CAMK4: variants seen among roughly 807,000 people sequenced by gnomAD.
CAMK4 encodes calcium/calmodulin-dependent protein kinase type IV.
Under a neutral mutation model 44.9 loss-of-function variants are expected in CAMK4, and 22 were observed. The ratio of observed to expected loss-of-function variants is 0.49; its 90% CI spans 0.35 to 0.70. The LOEUF is 0.70. Ranked by LOEUF, CAMK4 falls within the 30% of genes least tolerant of loss-of-function variation. The pLI is 0.01. For synonymous variants in CAMK4, 218 were observed against 215.4 expected, an observed-to-expected ratio of 1.01 and a Z score of -0.11; for missense variants, 498 against 586.8, an observed-to-expected ratio of 0.85 and a Z score of 1.56.
intron 1 of CAMK4, among the ~76,000 whole-genome samples, chr5:111,331,424 G>A (rs1474627272): frequency 6.6e-6 from 1 of 151,568 alleles, no homozygotes; most frequent in East Asian, 2.0e-4. Context: ...TAAAATAATT[G>A]ACATTTCCAA....
rs192148778 is a variant in CAMK4, at chr5:111,274,469, G to A, written c.161+49825G>A. ...ATATTTGTGAATGAGTGACAAGTATGAAACTTTAGTTTGTTAAACCATTTT... is the reference window on the plus strand; with the variant it reads ...ATATTTGTGAATGAGTGACAAGTATAAAACTTTAGTTTGTTAAACCATTTT... On this transcript the variant is annotated intron_variant, in intron 1 of 10. Transcript: ENST00000282356. Among the ~76,000 whole-genome samples, 8 of 152,280 alleles carry A rather than the reference G, an allele frequency of 5.3e-5. No homozygotes were observed. In the East Asian group the frequency reaches 1.3e-3, roughly 26 times the overall value.
intron 7 of CAMK4, among the ~76,000 whole-genome samples, chr5:111,466,322 T>A (rs1186324043): frequency 6.6e-6 from 1 of 152,116 alleles, no homozygotes. Flanking sequence ...CAACTTCTAT[T>A]CATCATAGTA....
At chr5:111,313,248 T>G (rs1271160220) in intron 1 of CAMK4, among the ~76,000 whole-genome samples, 1 of 152,092 alleles carries the variant, frequency 6.6e-6, no homozygotes, top group East Asian at 1.9e-4. Flanking sequence ...CACCCCCAGT[T>G]ATGATAACAG....
chr5:111,224,684 A>T lies in CAMK4; in HGVS notation c.161+40A>T. 1 of 1,578,904 alleles carries T rather than the reference A, an allele frequency of 6.3e-7. No individual in the cohort carries two copies. The highest frequency in any genetic ancestry group is 8.6e-7 in the Non-Finnish European group (1 of 1,162,158). On this transcript the variant is annotated intron_variant, in intron 1 of 10. Coordinates refer to ENST00000282356, the MANE Select transcript of CAMK4 (RefSeq NM_001744.6). The surrounding 1 kb of genome is among the most constrained non-coding windows in gnomAD (Gnocchi z 5.7). ...CCGGCTGGGGAAGCCCGCGGCGTGC[A>T]CTGGGGGTTGTCCCTCTCGCAGCGA...
intron 2 of CAMK4, among the ~76,000 whole-genome samples, chr5:111,370,215 T>G (rs568663767): frequency 6.6e-6 from 1 of 152,172 alleles, no homozygotes; most frequent in African/African-American, 2.4e-5. Flanking sequence ...TAGCCCAGAC[T>G]TTTTGCAGTC....
intron 5 of CAMK4, among the ~76,000 whole-genome samples, chr5:111,416,308 G>T (rs6878399): frequency 0.018 from 2,686 of 151,972 alleles, 90 homozygotes; most frequent in African/African-American, 0.062. Context: ...ATTAACAGTG[G>T]TTATTTCTTG....
At chr5:111,453,971 C>T (rs1356479444) in intron 7 of CAMK4, among the ~76,000 whole-genome samples, 1 of 152,066 alleles carries the variant, frequency 6.6e-6, no homozygotes. Context: ...ACTGGTTAAT[C>T]GGTATGTGAA....
chr5:111,348,968 T>G (rs190199921), intron 2 of CAMK4, among the ~76,000 whole-genome samples: 1 of 152,054 alleles, frequency 6.6e-6, no homozygotes, highest in African/African-American at 2.4e-5. Context: ...TTTTATTGTA[T>G]TGAAAAAACC....
intron 1 of CAMK4, among the ~76,000 whole-genome samples, chr5:111,335,593 G>A (rs1257578472): frequency 6.6e-6 from 1 of 151,210 alleles, no homozygotes; most frequent in African/African-American, 2.4e-5. Context: ...GCATGTTAAG[G>A]CCAACTGACA....
chr5:111,417,496 A>G (rs1294041285), intron 5 of CAMK4, among the ~76,000 whole-genome samples: 2 of 151,878 alleles, frequency 1.3e-5, no homozygotes, highest in Non-Finnish European at 2.9e-5. Flanking sequence ...GATTACAGGC[A>G]TGAGTCACTG....
chr5:111,445,808 G>C (rs539849242), intron 5 of CAMK4, among the ~76,000 whole-genome samples: 62 of 152,156 alleles, frequency 4.1e-4, no homozygotes, highest in South Asian at 8.3e-4. Context: ...CTAATGCCTA[G>C]AATGCTTTTT....
intron 8 of CAMK4, among the ~76,000 whole-genome samples, chr5:111,476,681 T>A (rs1226573074): frequency 6.6e-6 from 1 of 152,148 alleles, no homozygotes; most frequent in Non-Finnish European, 1.5e-5. Context: ...CCATTCTATT[T>A]TTCCTCCCAG....
intron 7 of CAMK4, among the ~76,000 whole-genome samples, chr5:111,467,818 G>T (rs1421383886): frequency 6.6e-6 from 1 of 152,104 alleles, no homozygotes; most frequent in Non-Finnish European, 1.5e-5. Flanking sequence ...ACTAAAAGTA[G>T]AACTACCGTT....
intron 1 of CAMK4, among the ~76,000 whole-genome samples, chr5:111,276,369 A>G (rs1561379938): frequency 6.6e-6 from 1 of 152,074 alleles, no homozygotes; most frequent in Non-Finnish European, 1.5e-5. Context: ...TCTTGCAGCT[A>G]TCTTGGGGCT....
chr5:111,223,670 C>G (rs1184935870), upstream of CAMK4: 1 of 152,356 alleles, frequency 6.6e-6, no homozygotes, highest in Non-Finnish European at 1.5e-5. This position sits in a 1 kb window ranked among gnomAD's most constrained non-coding sequence, Gnocchi z 4.3. Flanking sequence ...CCAGCAGCGA[C>G]GACAGCATTT....
intron 1 of CAMK4, among the ~76,000 whole-genome samples, chr5:111,334,678 T>C (rs1334842588): frequency 6.6e-6 from 1 of 151,582 alleles, no homozygotes; most frequent in Non-Finnish European, 1.5e-5. Context: ...CACATTATAT[T>C]TTCAACCTAT....
chr5:111,456,911 G>A (rs1425843772), intron 7 of CAMK4, among the ~76,000 whole-genome samples: 3 of 152,182 alleles, frequency 2.0e-5, no homozygotes, highest in African/African-American at 7.2e-5. Context: ...GATGACTACA[G>A]GAAGACAAAG....
At chr5:111,443,659 G>A (rs187839853) in intron 5 of CAMK4, among the ~76,000 whole-genome samples, 19 of 151,662 alleles carry the variant, frequency 1.3e-4, no homozygotes, top group African/African-American at 4.4e-4. Flanking sequence ...CCACCTTTTC[G>A]TTTCAAGAAA....
At chr5:111,230,822 T>TA (rs370223931) in intron 1 of CAMK4, among the ~76,000 whole-genome samples, 23 of 151,534 alleles carry the variant, frequency 1.5e-4, no homozygotes, top group African/African-American at 5.1e-4. Flanking sequence ...TCTTTTTTTT[T>TA]AAAAAAAATA....
Sources: gnomAD v4.1 joint callset for allele counts (sites outside exome capture counted in the v4.1 genomes callset) on GRCh38, gnomAD v4.1.1 for gene constraint, Gnocchi (gnomAD v3.1) non-coding constraint, MANE v1.5 for transcripts, NCBI Gene and HGNC (gene_info 2026-07-23, HGNC 2026-07-21) for gene names.